Variants in FAM53B observed in about 807,000 individuals in gnomAD.
FAM53B encodes the protein protein FAM53B.
FAM53B carries 12 observed loss-of-function variants against 32.7 expected under a neutral mutation model. The ratio of observed to expected loss-of-function variants is 0.37; its 90% CI spans 0.24 to 0.59. The LOEUF is 0.59. FAM53B is among the 20% of genes least tolerant of loss of function. FAM53B has a pLI of 0.72. For synonymous variants in FAM53B, 234 were observed against 228.7 expected (o/e 1.02, Z -0.21); for missense variants, 477 against 577.7 (o/e 0.83, Z 1.79).
chr10:124,697,209 C>T (rs567712513), intron 2 of FAM53B, among the ~76,000 whole-genome samples: 17 of 152,214 alleles, frequency 1.1e-4, no homozygotes, highest in African/African-American at 3.4e-4. Context: ...TCTTCCTAGG[C>T]GGGCTGTGCT....
At chr10:124,648,789 C>T (rs1949537684) in intron 4 of FAM53B, among the ~76,000 whole-genome samples, 1 of 152,272 alleles carries the variant, frequency 6.6e-6, no homozygotes, top group African/African-American at 2.4e-5. Flanking sequence ...TTCGGGGCTC[C>T]TTTTGCTGCT....
At chr10:124,628,853 C>G (rs1360760306) in intron 4 of FAM53B, among the ~76,000 whole-genome samples, 2 of 152,246 alleles carry the variant, frequency 1.3e-5, no homozygotes, top group Non-Finnish European at 2.9e-5. Context: ...CTTCGCAGCT[C>G]CCAAAGCACC....
At chr10:124,655,957 G>A (rs1309599451) in intron 4 of FAM53B, among the ~76,000 whole-genome samples, 2 of 152,222 alleles carry the variant, frequency 1.3e-5, no homozygotes, top group Admixed American at 1.3e-4. Context: ...TGTGCACACA[G>A]CAGGTACGTA....
chr10:124,665,994 C>A (rs1701745945), intron 4 of FAM53B, among the ~76,000 whole-genome samples: 1 of 152,238 alleles, frequency 6.6e-6, no homozygotes, highest in Admixed American at 6.5e-5. Flanking sequence ...GGGTCTTGTA[C>A]ACGCTAGTCT....
At chr10:124,643,377 G>A (rs1016927647) in intron 4 of FAM53B, among the ~76,000 whole-genome samples, 3 of 152,248 alleles carry the variant, frequency 2.0e-5, no homozygotes, top group Admixed American at 6.5e-5. Context: ...TTCACGACGC[G>A]CAGGTGGCTG....
In FAM53B at chr10:124,733,577, G is replaced by A. The variant is rs1030398137; in HGVS notation, c.-175+10436C>T. On this transcript the variant is annotated intron_variant, in intron 1 of 4. Coordinates refer to ENST00000337318, the MANE Select transcript of FAM53B (RefSeq NM_014661.4). The surrounding 1 kb of genome is among the most constrained non-coding windows in gnomAD (Gnocchi z 4.3). ...ATCAGACTGTTTCAACTCACACAAC[G>A]CCAGAACTTTGACTTCTTTAGTTCC... is the stretch of plus-strand genomic sequence containing the variant. 1.2e-4 allele frequency among the ~76,000 whole-genome samples: 19 copies of A among 152,250 alleles called. No homozygotes were observed. Among genetic ancestry groups the A allele is most frequent in the Non-Finnish European group, 2.2e-4 (15 of 68,028 alleles).
At chr10:124,741,816 GC>G (rs1200719104) in intron 1 of FAM53B, among the ~76,000 whole-genome samples, 1 of 152,186 alleles carries the variant, frequency 6.6e-6, no homozygotes, top group East Asian at 1.9e-4. Flanking sequence ...CTTTCAAAAT[GC>G]TATGTGCAAC....
At chr10:124,690,331 G>A (rs989017547) in intron 3 of FAM53B, among the ~76,000 whole-genome samples, 9 of 152,236 alleles carry the variant, frequency 5.9e-5, no homozygotes, top group Non-Finnish European at 1.3e-4. Context: ...GCTTCAGAAC[G>A]ATGTCACATC....
chr10:124,676,291 T>C (rs1416333466), intron 4 of FAM53B, among the ~76,000 whole-genome samples: 1 of 152,228 alleles, frequency 6.6e-6, no homozygotes, highest in Non-Finnish European at 1.5e-5. Flanking sequence ...GTCTGTGTTA[T>C]AAGGGGTGCT....
In FAM53B at chr10:124,681,721, G is replaced by A. The variant is rs759772596; in HGVS notation, c.792C>T (p.Ser264=). 18 of 1,610,850 alleles carry A rather than the reference G, an allele frequency of 1.1e-5. No individual in the cohort carries two copies. In the East Asian group the frequency reaches 4.0e-4, roughly 36 times the overall value. ...PELARRSSGL[S]RSRSQPCVLN... ...GGACACACGGCTGGGAGCGGCTGCGGGAAAGGCCGCTGGAGCGTCTCGCCA... is the reference window on the plus strand; with the variant it reads ...GGACACACGGCTGGGAGCGGCTGCGAGAAAGGCCGCTGGAGCGTCTCGCCA... The change falls in exon 4 of 5, where the codon TCC becomes TCT. Residue 264 remains serine, a synonymous_variant. Coordinates refer to ENST00000337318, the MANE Select transcript of FAM53B (RefSeq NM_014661.4).
At chr10:124,625,138 T>C (rs543900386) in intron 4 of FAM53B, among the ~76,000 whole-genome samples, 1 of 152,256 alleles carries the variant, frequency 6.6e-6, no homozygotes, top group Admixed American at 6.5e-5. Flanking sequence ...AGGTGATCAC[T>C]GGCTGTCACA....
At chr10:124,630,850 C>G (rs1478451684) in intron 4 of FAM53B, among the ~76,000 whole-genome samples, 1 of 152,250 alleles carries the variant, frequency 6.6e-6, no homozygotes, top group African/African-American at 2.4e-5. Context: ...CACATGCCAG[C>G]CAGACTGTGG....
intron 1 of FAM53B, among the ~76,000 whole-genome samples, chr10:124,740,173 T>G (rs1371195570): frequency 6.6e-6 from 1 of 152,162 alleles, no homozygotes; most frequent in African/African-American, 2.4e-5. Flanking sequence ...CTCAGAGAAC[T>G]TTCTTAGATA....
At chr10:124,724,384 G>A (rs1044388972) in intron 1 of FAM53B, among the ~76,000 whole-genome samples, 7 of 152,156 alleles carry the variant, frequency 4.6e-5, no homozygotes, top group East Asian at 3.9e-4. Context: ...CAGTGCCAGC[G>A]CCAGCGCCCT....
Position 124,742,058 on chromosome 10 carries a change from TA to T in FAM53B, c.-175+1954del, listed in dbSNP as rs771740119. ...GTCGTTGGGCAACATTATTTGAATTTAAATCGCCTCGTTCTCTGAAGGAACG... is the reference window on the plus strand; with the variant it reads ...GTCGTTGGGCAACATTATTTGAATTTAATCGCCTCGTTCTCTGAAGGAACG... On this transcript the variant is annotated intron_variant, in intron 1 of 4. Coordinates refer to ENST00000337318, the MANE Select transcript of FAM53B (RefSeq NM_014661.4). Among the ~76,000 whole-genome samples the T allele has an allele frequency of 6.0e-3, 910 of 152,346 alleles. 11 individuals carry two copies. The highest frequency in any genetic ancestry group is 0.027 in the Middle Eastern group (8 of 294).
intron 4 of FAM53B, among the ~76,000 whole-genome samples, chr10:124,626,314 G>A (rs1241435713): frequency 6.6e-6 from 1 of 152,164 alleles, no homozygotes; most frequent in Non-Finnish European, 1.5e-5. Flanking sequence ...CGCAGGTAGC[G>A]GGGGTGCCTA....
chr10:124,634,806 G>T (rs1949417061), intron 4 of FAM53B, among the ~76,000 whole-genome samples: 1 of 152,208 alleles, frequency 6.6e-6, no homozygotes. Context: ...CTGCTAAGGG[G>T]TATGGACTTT....
intron 2 of FAM53B, among the ~76,000 whole-genome samples, chr10:124,699,906 GC>G (rs1198743862): frequency 6.6e-6 from 1 of 152,222 alleles, no homozygotes; most frequent in African/African-American, 2.4e-5. Context: ...GGCCCGACTG[GC>G]CCCCTCCTCT....
chr10:124,712,251 G>A (rs1174867305), intron 1 of FAM53B, among the ~76,000 whole-genome samples: 2 of 152,112 alleles, frequency 1.3e-5, no homozygotes, highest in Non-Finnish European at 2.9e-5. Flanking sequence ...AGCTACTCAG[G>A]AGGCTGAGGC....
Sources: gnomAD v4.1 joint callset for allele counts (sites outside exome capture counted in the v4.1 genomes callset) on GRCh38, gnomAD v4.1.1 for gene constraint, Gnocchi (gnomAD v3.1) non-coding constraint, MANE v1.5 for transcripts, NCBI Gene and HGNC (gene_info 2026-07-23, HGNC 2026-07-21) for gene names.